Variants in ADARB1 observed in about 807,000 individuals in gnomAD.
ADARB1 encodes the protein double-stranded RNA-specific editase 1.
Under a neutral mutation model 52.4 loss-of-function variants are expected in ADARB1, and 10 were observed. The observed-to-expected ratio is 0.19, with a 90% confidence interval of 0.12 to 0.32. The LOEUF is 0.32. ADARB1 is among the 10% of genes least tolerant of loss of function. ADARB1 has a pLI of 1.00. For missense variants in ADARB1, 643 were observed against 922.3 expected (o/e 0.70, Z 3.92); for synonymous variants, 349 against 371.1 (o/e 0.94, Z 0.68).
intron 2 of ADARB1, chr21:45,144,740 G>T (rs2145913953): frequency 4.8e-6 from 2 of 413,720 alleles, no homozygotes; most frequent in Non-Finnish European, 9.7e-6. Context: ...GAATTAATAT[G>T]CAGTAAGAGA....
At chr21:45,189,923 G>C (rs1466336832) in intron 8 of ADARB1, among the ~76,000 whole-genome samples, 3 of 152,058 alleles carry the variant, frequency 2.0e-5, no homozygotes, top group Non-Finnish European at 4.4e-5. Flanking sequence ...TCTTAGTGTG[G>C]TTCTCCTTGG....
rs2092711662 is a variant in ADARB1, at chr21:45,208,682, G to A, written c.1747+3946G>A. Among the ~76,000 whole-genome samples, 2 of 152,090 alleles carry A rather than the reference G, an allele frequency of 1.3e-5. No homozygotes were observed. Among genetic ancestry groups the A allele is most frequent in the South Asian group, 4.1e-4 (2 of 4,824 alleles). ...TGCATGAGTGCGTGTGTGTATGAGT[G>A]TGTGTGCATGTGTGTGTGCACGCTC... On this transcript the variant is annotated intron_variant, in intron 9 of 10. Coordinates refer to ENST00000348831, the MANE Select transcript of ADARB1 (RefSeq NM_001112.4). The surrounding 1 kb of genome is among the most constrained non-coding windows in gnomAD (Gnocchi z 5.6).
Position 45,175,869 on chromosome 21 carries a change from G to A in ADARB1, c.168G>A (p.Glu56=), listed in dbSNP as rs201038678. 1.1e-4 allele frequency: 184 copies of A among 1,613,718 alleles called. No homozygotes were observed. In the East Asian group the frequency reaches 3.9e-3, roughly 34 times the overall value. Residue 56 remains glutamate (E), a synonymous_variant, in exon 4 of 11, where the codon GAG becomes GAA. Transcript: ENST00000348831. ...GCCCCGGCAGAAAGCGGCCCCTGGA[G>A]GAGGGCAGCAATGGCCACTCCAAGT... is the stretch of plus-strand genomic sequence containing the variant. ...GGGPGRKRPL[E]EGSNGHSKYR...
chr21:45,137,358 A>C (rs2089450281), intron 2 of ADARB1: 1 of 152,262 alleles, frequency 6.6e-6, no homozygotes, highest in Non-Finnish European at 1.5e-5. Flanking sequence ...AGAGTTCTGG[A>C]AGACTGATGA....
At position 45,182,733 on chromosome 21, in the gene ADARB1, A is replaced by G. The variant is rs1284592365; in HGVS notation, c.1227A>G (p.Thr409=). The change falls in exon 6 of 11, where the codon ACA becomes ACG. Residue 409 remains threonine, a synonymous_variant. Transcript: ENST00000348831. ...GATCCTTGCTCAGATTTCTTTATAC[A>G]CAACTTGAGCTTTACTTAAAGTAAG... The part of the protein sequence containing the change: ...SRRSLLRFLY[T]QLELYLNNKD... The G allele has an allele frequency of 2.5e-6, 4 of 1,598,504 alleles. No individual in the cohort carries two copies. Among genetic ancestry groups the G allele is most frequent in the Non-Finnish European group, 3.4e-6 (4 of 1,175,002 alleles).
At chr21:45,087,079 C>A (rs540068379) in intron 1 of ADARB1, among the ~76,000 whole-genome samples, 1 of 152,184 alleles carries the variant, frequency 6.6e-6, no homozygotes, top group Non-Finnish European at 1.5e-5. Context: ...GAGTTCTTAC[C>A]GGGTGTTTGA....
intron 1 of ADARB1, among the ~76,000 whole-genome samples, chr21:45,076,777 C>T (rs1323733968): frequency 6.6e-6 from 1 of 152,062 alleles, no homozygotes; most frequent in African/African-American, 2.4e-5. Context: ...TCTATTTGTC[C>T]AGTGAATGCA....
At chr21:45,206,864 G>A (rs8134836) in intron 9 of ADARB1, among the ~76,000 whole-genome samples, 3 of 151,894 alleles carry the variant, frequency 2.0e-5, no homozygotes, top group Admixed American at 6.5e-5. Flanking sequence ...GTGAGCCACC[G>A]TGCCTGGCCT....
chr21:45,127,016 G>A (rs2088624775), intron 1 of ADARB1, among the ~76,000 whole-genome samples: 1 of 152,158 alleles, frequency 6.6e-6, no homozygotes, highest in Non-Finnish European at 1.5e-5. Context: ...TGGACTTTTT[G>A]GTGTGTAAAG....
chr21:45,115,103 AT>A (rs11332964), intron 1 of ADARB1, among the ~76,000 whole-genome samples: 149,935 of 152,346 alleles, frequency 0.98, 73,780 homozygotes, highest in East Asian at 1. Flanking sequence ...CCCAGGGAAG[AT>A]TTTAAGGCGA....
intron 8 of ADARB1, among the ~76,000 whole-genome samples, chr21:45,189,928 C>T (rs2092234355): frequency 6.6e-6 from 1 of 152,036 alleles, no homozygotes; most frequent in Non-Finnish European, 1.5e-5. Context: ...GTGTGGTTCT[C>T]CTTGGATTTA....
At chr21:45,143,588 C>T (rs756417857) in intron 2 of ADARB1, among the ~76,000 whole-genome samples, 1 of 152,240 alleles carries the variant, frequency 6.6e-6, no homozygotes, top group African/African-American at 2.4e-5. Context: ...CATATGACTG[C>T]CATGTCCTCA....
At chr21:45,209,341 G>A (rs1051731682) in intron 9 of ADARB1, among the ~76,000 whole-genome samples, 1 of 152,152 alleles carries the variant, frequency 6.6e-6, no homozygotes, top group Admixed American at 6.5e-5. Flanking sequence ...CCAGTTTTCT[G>A]TAGCCAGTGC....
chr21:45,171,371 G>A (rs1211700923), intron 2 of ADARB1, among the ~76,000 whole-genome samples: 1 of 152,158 alleles, frequency 6.6e-6, no homozygotes, highest in Non-Finnish European at 1.5e-5. Context: ...GAATCCACGC[G>A]AGACGTCCTT....
chr21:45,194,008 A>G (rs1199799445), intron 8 of ADARB1, among the ~76,000 whole-genome samples: 1 of 152,254 alleles, frequency 6.6e-6, no homozygotes, highest in Non-Finnish European at 1.5e-5. Context: ...TGCAAAGGAC[A>G]TAGAATAGGT....
chr21:45,112,606 A>G (rs549913076), intron 1 of ADARB1, among the ~76,000 whole-genome samples: 2 of 151,944 alleles, frequency 1.3e-5, no homozygotes, highest in African/African-American at 4.8e-5. Context: ...TGAGTCACCC[A>G]CATTCCTCTT....
intron 1 of ADARB1, among the ~76,000 whole-genome samples, chr21:45,078,905 CATT>C (rs1332722565): frequency 6.6e-6 from 1 of 152,120 alleles, no homozygotes; most frequent in African/African-American, 2.4e-5. Flanking sequence ...GCATTATTAT[CATT>C]ATTCCCATGT....
intron 5 of ADARB1, 23 bp downstream of exon 5, chr21:45,180,467 T>A (rs762160943): frequency 6.4e-7 from 1 of 1,567,068 alleles, no homozygotes; most frequent in Non-Finnish European, 8.8e-7. Flanking sequence ...GTGTTGTATG[T>A]AACCCTGCCT....
At chr21:45,140,126 A>G (rs918984350) in intron 2 of ADARB1, among the ~76,000 whole-genome samples, 3 of 151,834 alleles carry the variant, frequency 2.0e-5, no homozygotes, top group Non-Finnish European at 4.4e-5. Context: ...TATTTTTAGT[A>G]GAGATGGGGT....
Sources: gnomAD v4.1 joint callset for allele counts (sites outside exome capture counted in the v4.1 genomes callset) on GRCh38, gnomAD v4.1.1 for gene constraint, Gnocchi (gnomAD v3.1) non-coding constraint, MANE v1.5 for transcripts, NCBI Gene and HGNC (gene_info 2026-07-23, HGNC 2026-07-21) for gene names.